Variants in JAKMIP1 observed in about 807,000 individuals in gnomAD.
The protein encoded by JAKMIP1 is janus kinase and microtubule-interacting protein 1.
A neutral mutation model predicts 113.0 loss-of-function variants in JAKMIP1; 33 were observed. The observed-to-expected ratio is 0.29, with a 90% CI of 0.22 to 0.39. The LOEUF (loss-of-function observed/expected upper bound fraction) is 0.39. JAKMIP1 is among the 10% of genes least tolerant of loss of function. JAKMIP1 has a pLI of 1.00. For synonymous variants in JAKMIP1, 480 were observed against 459.9 expected (o/e 1.04, Z -0.56); for missense variants, 813 against 1,080.5 (o/e 0.75, Z 3.47).
Position 6,184,594 on chromosome 4 carries a change from C to T in JAKMIP1, c.-148+15659G>A, listed in dbSNP as rs1339179344. Among the ~76,000 whole-genome samples the T allele has an allele frequency of 1.3e-5, 2 of 152,200 alleles. No homozygotes were observed. Among genetic ancestry groups the T allele is most frequent in the Non-Finnish European group, 2.9e-5 (2 of 68,032 alleles). ...TGGACGGGAAGAGCTGCTGTCTGCACTCTAGGAAACAAGGGTCCCCCGCGC... is the reference window on the plus strand; with the variant it reads ...TGGACGGGAAGAGCTGCTGTCTGCATTCTAGGAAACAAGGGTCCCCCGCGC... On this transcript the variant is annotated intron_variant, in intron 1 of 20. Coordinates refer to ENST00000409021, the MANE Select transcript of JAKMIP1 (RefSeq NM_001099433.2). The surrounding 1 kb of genome is among the most constrained non-coding windows in gnomAD (Gnocchi z 4.5).
chr4:6,170,256 T>C (rs1178452245), intron 1 of JAKMIP1, among the ~76,000 whole-genome samples: 7 of 110,020 alleles, frequency 6.4e-5, no homozygotes, highest in East Asian at 3.2e-4. Flanking sequence ...CCCCCCACCC[T>C]TCTCACCACC....
At position 6,192,957 on chromosome 4, in the gene JAKMIP1, CTG is replaced by C. The variant is rs1329335707; in HGVS notation, c.-148+7294_-148+7295del. Among the ~76,000 whole-genome samples, 2 of 152,116 alleles carry C rather than the reference CTG, an allele frequency of 1.3e-5. No homozygotes were observed. The highest frequency in any genetic ancestry group is 3.9e-4 in the East Asian group (2 of 5,180). On this transcript the variant is annotated intron_variant, in intron 1 of 20. Transcript: ENST00000409021. The surrounding 1 kb of genome is among the most constrained non-coding windows in gnomAD (Gnocchi z 5.0). ...TGCAAAGTATTGTTCCTGGGTGTGT[CTG>C]TGAGGGTGTTCCCAAAAGAGATTAA...
At position 6,061,980 on chromosome 4, in the gene JAKMIP1, G is replaced by C. The variant is rs918374191; in HGVS notation, c.1560+332C>G. Among the ~76,000 whole-genome samples the C allele has an allele frequency of 1.3e-5, 2 of 152,214 alleles. No individual in the cohort carries two copies. Among genetic ancestry groups the C allele is most frequent in the Non-Finnish European group, 2.9e-5 (2 of 68,028 alleles). ...GGCGGGGGGCTGGCAGCCCTGGAGGGAGCGGAGCCTGAAGCCTGCAAGCCA... is the reference window on the plus strand; with the variant it reads ...GGCGGGGGGCTGGCAGCCCTGGAGGCAGCGGAGCCTGAAGCCTGCAAGCCA... On this transcript the variant is annotated intron_variant, in intron 10 of 20. Coordinates refer to ENST00000409021, the MANE Select transcript of JAKMIP1 (RefSeq NM_001099433.2). This position sits in a 1 kb window ranked among gnomAD's most constrained non-coding sequence, Gnocchi z 5.3.
intron 10 of JAKMIP1, 74 bp from the exon 11 acceptor site, chr4:6,060,581 C>T: frequency 4.8e-6 from 5 of 1,031,378 alleles, no homozygotes; most frequent in Non-Finnish European, 7.7e-6. Flanking sequence ...CGTCATGCCC[C>T]AATGCAAGCA....
chr4:6,076,568 G>A lies in JAKMIP1; in HGVS notation c.1302+2371C>T, dbSNP rs998456727. Among the ~76,000 whole-genome samples the A allele has an allele frequency of 6.6e-5, 10 of 152,128 alleles. No homozygotes were observed. The highest frequency in any genetic ancestry group is 1.3e-4 in the Admixed American group (2 of 15,278). Reference sequence around the variant, plus strand: ...CCACTCTAAGTGGCATTACCTGAACGCTGCAGTAAAGGCCACCAGGAGGCA... The same window carrying A: ...CCACTCTAAGTGGCATTACCTGAACACTGCAGTAAAGGCCACCAGGAGGCA... On this transcript the variant is annotated intron_variant, in intron 8 of 20. Transcript: ENST00000409021. This position sits in a 1 kb window ranked among gnomAD's most constrained non-coding sequence, Gnocchi z 4.8.
chr4:6,180,184 T>C lies in JAKMIP1; in HGVS notation c.-148+20069A>G, dbSNP rs1396708725. Among the ~76,000 whole-genome samples the C allele has an allele frequency of 6.6e-6, 1 of 152,106 alleles. No individual in the cohort carries two copies. The highest frequency in any genetic ancestry group is 6.5e-5 in the Admixed American group (1 of 15,268). On this transcript the variant is annotated intron_variant, in intron 1 of 20. Coordinates refer to ENST00000409021, the MANE Select transcript of JAKMIP1 (RefSeq NM_001099433.2). The surrounding 1 kb of genome is among the most constrained non-coding windows in gnomAD (Gnocchi z 4.5). Reference sequence around the variant, plus strand: ...CCCAGTTCATGAAATGCTTCCAATATCAGAAAACCACCAACTTCAATTCCC... The same window carrying C: ...CCCAGTTCATGAAATGCTTCCAATACCAGAAAACCACCAACTTCAATTCCC...
chr4:6,057,779 A>G (rs1716687753), intron 11 of JAKMIP1, among the ~76,000 whole-genome samples: 1 of 152,242 alleles, frequency 6.6e-6, no homozygotes, highest in East Asian at 1.9e-4. Context: ...GGGCCATGCC[A>G]TGCTCTGGCT....
intron 16 of JAKMIP1, among the ~76,000 whole-genome samples, chr4:6,045,516 C>T (rs1165029418): frequency 2.0e-5 from 3 of 152,172 alleles, no homozygotes; most frequent in Admixed American, 1.3e-4. Context: ...CTGTTTGTAG[C>T]GAAATCAACA....
chr4:6,183,558 G>A lies in JAKMIP1; in HGVS notation c.-148+16695C>T, dbSNP rs535974349. 1.3e-5 allele frequency among the ~76,000 whole-genome samples: 2 copies of A among 151,894 alleles called. No individual in the cohort carries two copies. Among genetic ancestry groups the A allele is most frequent in the Admixed American group, 1.3e-4 (2 of 15,258 alleles). ...CAGAAACTTCAGTACTCAGGGTGCT[G>A]GGACTTGGTTTTCAAACCACCTTCC... On this transcript the variant is annotated intron_variant, in intron 1 of 20. Coordinates refer to ENST00000409021, the MANE Select transcript of JAKMIP1 (RefSeq NM_001099433.2). The surrounding 1 kb of genome is among the most constrained non-coding windows in gnomAD (Gnocchi z 5.3).
At chr4:6,177,953 T>A (rs1725552459) in intron 1 of JAKMIP1, among the ~76,000 whole-genome samples, 1 of 152,176 alleles carries the variant, frequency 6.6e-6, no homozygotes, top group African/African-American at 2.4e-5. Context: ...CCCTAACCAC[T>A]CAATCTCACG....
rs1044799426 is a variant in JAKMIP1, at chr4:6,088,242, A to G, written c.625-2613T>C. On this transcript the variant is annotated intron_variant, in intron 3 of 20. Coordinates refer to ENST00000409021, the MANE Select transcript of JAKMIP1 (RefSeq NM_001099433.2). This position sits in a 1 kb window ranked among gnomAD's most constrained non-coding sequence, Gnocchi z 5.5. ...AACATAATAAATAAGCAGACATTGT[A>G]GTGATTGAGAGTGATTTGTGCTATG... Among the ~76,000 whole-genome samples, 2 of 152,210 alleles carry G rather than the reference A, an allele frequency of 1.3e-5. No homozygotes were observed. The highest frequency in any genetic ancestry group is 2.9e-5 in the Non-Finnish European group (2 of 68,034).
intron 1 of JAKMIP1, among the ~76,000 whole-genome samples, chr4:6,125,969 C>T (rs1157398625): frequency 1.5e-4 from 21 of 140,984 alleles, no homozygotes; most frequent in South Asian, 7.1e-4. Context: ...GCACACCATA[C>T]ATACCATGCA....
rs1245421348 is a variant in JAKMIP1, at chr4:6,199,399, C to G, written c.-148+854G>C. ...AGGCCGGATGCTCAGGAGCCCACAG[C>G]AGGGGGGATGGAGCGAAGGACCGAG... On this transcript the variant is annotated intron_variant, in intron 1 of 20. Coordinates refer to ENST00000409021, the MANE Select transcript of JAKMIP1 (RefSeq NM_001099433.2). The surrounding 1 kb of genome is among the most constrained non-coding windows in gnomAD (Gnocchi z 5.6). Among the ~76,000 whole-genome samples the G allele has an allele frequency of 6.6e-6, 1 of 152,118 alleles. No individual in the cohort carries two copies. The highest frequency in any genetic ancestry group is 1.5e-5 in the Non-Finnish European group (1 of 68,000).
At chr4:6,046,600 G>T (rs1350587846) in intron 16 of JAKMIP1, among the ~76,000 whole-genome samples, 1 of 152,078 alleles carries the variant, frequency 6.6e-6, no homozygotes, top group Non-Finnish European at 1.5e-5. Flanking sequence ...GGGTGGGCAG[G>T]GTGCAAGCGG....
intron 3 of JAKMIP1, among the ~76,000 whole-genome samples, chr4:6,103,988 T>C (rs993940652): frequency 6.6e-6 from 1 of 152,234 alleles, no homozygotes; most frequent in African/African-American, 2.4e-5. Flanking sequence ...TAAAATTTCC[T>C]TCCTTCTACT....
intron 1 of JAKMIP1, among the ~76,000 whole-genome samples, chr4:6,171,075 A>G (rs1266305506): frequency 6.9e-6 from 1 of 145,888 alleles, no homozygotes; most frequent in East Asian, 2.1e-4. Context: ...CATCACCACC[A>G]CCCCCATTAC....
rs895477249 is a variant in JAKMIP1, at chr4:6,049,585, T to C, written c.1962+234A>G. 6.6e-5 allele frequency among the ~76,000 whole-genome samples: 10 copies of C among 152,058 alleles called. No homozygotes were observed. The highest frequency in any genetic ancestry group is 3.9e-4 in the Admixed American group (6 of 15,236). ...CATTCTGGGTAGGGATTCTGAGGCTTTCCCGTCCCCTCCTCACTCAACAGG... is the reference window on the plus strand; with the variant it reads ...CATTCTGGGTAGGGATTCTGAGGCTCTCCCGTCCCCTCCTCACTCAACAGG... On this transcript the variant is annotated intron_variant, in intron 15 of 20. Coordinates refer to ENST00000409021, the MANE Select transcript of JAKMIP1 (RefSeq NM_001099433.2). The surrounding 1 kb of genome is among the most constrained non-coding windows in gnomAD (Gnocchi z 7.0).
intron 1 of JAKMIP1, among the ~76,000 whole-genome samples, chr4:6,133,994 G>C (rs2108943178): frequency 6.6e-6 from 1 of 152,306 alleles, no homozygotes; most frequent in South Asian, 2.1e-4. Flanking sequence ...AGAATGGACT[G>C]ATATGGTTAG....
intron 11 of JAKMIP1, among the ~76,000 whole-genome samples, chr4:6,057,863 T>C (rs1304383606): frequency 1.3e-5 from 2 of 152,140 alleles, no homozygotes. Flanking sequence ...CCCCAAACCA[T>C]GGGGAAAGAA....
Sources: gnomAD v4.1 joint callset for allele counts (sites outside exome capture counted in the v4.1 genomes callset) on GRCh38, gnomAD v4.1.1 for gene constraint, Gnocchi (gnomAD v3.1) non-coding constraint, MANE v1.5 for transcripts, NCBI Gene and HGNC (gene_info 2026-07-23, HGNC 2026-07-21) for gene names.